KCNIP4: variants seen among roughly 807,000 people sequenced by gnomAD.
KCNIP4 encodes potassium voltage-gated channel interacting protein 4.
Under a neutral mutation model 34.0 loss-of-function variants are expected in KCNIP4, and 12 were observed. The ratio of observed to expected loss-of-function variants is 0.35; its 90% confidence interval spans 0.23 to 0.57. The LOEUF is 0.57. Ranked by LOEUF, KCNIP4 falls within the 20% of genes least tolerant of loss-of-function variation. KCNIP4 has a pLI of 0.83. For synonymous variants in KCNIP4, 124 were observed against 102.2 expected (o/e 1.21, Z -1.29); for missense variants, 238 against 311.7 (o/e 0.76, Z 1.78).
At chr4:20,867,106 C>T (rs1018724772) in intron 2 of KCNIP4, among the ~76,000 whole-genome samples, 1 of 152,014 alleles carries the variant, frequency 6.6e-6, no homozygotes, top group Non-Finnish European at 1.5e-5. Flanking sequence ...AGATTAAATA[C>T]TATTCTAGTC....
chr4:21,231,380 A>C (rs1409778173), intron 1 of KCNIP4, among the ~76,000 whole-genome samples: 2 of 152,182 alleles, frequency 1.3e-5, no homozygotes, highest in Non-Finnish European at 2.9e-5. Context: ...AAGTTGTTCC[A>C]GGTTCAGTAT....
chr4:21,650,113 C>T (rs987224627), intron 1 of KCNIP4, among the ~76,000 whole-genome samples: 1 of 152,292 alleles, frequency 6.6e-6, no homozygotes, highest in South Asian at 2.1e-4. Flanking sequence ...GAAGCAGAAA[C>T]TAACAGAAAA....
At chr4:21,042,383 G>A (rs918129265) in intron 1 of KCNIP4, among the ~76,000 whole-genome samples, 1 of 152,138 alleles carries the variant, frequency 6.6e-6, no homozygotes, top group African/African-American at 2.4e-5. Flanking sequence ...TGTCATTTGT[G>A]ACAACATGGA....
intron 1 of KCNIP4, among the ~76,000 whole-genome samples, chr4:21,594,030 A>G (rs1306630673): frequency 3.9e-5 from 6 of 152,074 alleles, no homozygotes; most frequent in African/African-American, 1.4e-4. Context: ...GTATGTAGGA[A>G]ATGGAGCTAG....
intron 1 of KCNIP4, among the ~76,000 whole-genome samples, chr4:21,755,714 C>T (rs575883935): frequency 6.6e-6 from 1 of 152,138 alleles, no homozygotes; most frequent in African/African-American, 2.4e-5. Flanking sequence ...GAAAAAAAAC[C>T]TGTAGTTAAT....
intron 3 of KCNIP4, among the ~76,000 whole-genome samples, chr4:20,820,732 G>C (rs1306913792): frequency 1.3e-5 from 2 of 152,136 alleles, no homozygotes; most frequent in Non-Finnish European, 2.9e-5. Context: ...GAGCAGAATG[G>C]GTTCAAAGGA....
intron 1 of KCNIP4, among the ~76,000 whole-genome samples, chr4:21,502,947 C>T (rs997670480): frequency 2.6e-5 from 4 of 152,080 alleles, no homozygotes; most frequent in African/African-American, 7.2e-5. Flanking sequence ...GGATAAACAC[C>T]TTCTGTTTTC....
intron 1 of KCNIP4, among the ~76,000 whole-genome samples, chr4:21,250,258 T>C (rs1399700376): frequency 1.3e-5 from 2 of 151,406 alleles, no homozygotes; most frequent in Non-Finnish European, 2.9e-5. Flanking sequence ...ATGCACAAAA[T>C]TGCTGATAAC....
At chr4:20,797,300 T>A (rs980719856) in intron 3 of KCNIP4, among the ~76,000 whole-genome samples, 17 of 152,220 alleles carry the variant, frequency 1.1e-4, no homozygotes, top group Non-Finnish European at 2.2e-4. Context: ...AACCCTAGGG[T>A]CTTTCAACAT....
At chr4:21,324,608 C>T (rs950729120) in intron 1 of KCNIP4, among the ~76,000 whole-genome samples, 1 of 150,568 alleles carries the variant, frequency 6.6e-6, no homozygotes, top group Admixed American at 6.7e-5. Flanking sequence ...ATTGCTCTAT[C>T]TGTCTGTTTT....
At position 20,830,162 on chromosome 4, in the gene KCNIP4, T is replaced by C. The variant is rs189156023; in HGVS notation, c.288+20381A>G. ...ATGACATCATGGCATCCTCATTACATGAGTCAGTAAGTAGCAGCATCAGGA... is the reference window on the plus strand; with the variant it reads ...ATGACATCATGGCATCCTCATTACACGAGTCAGTAAGTAGCAGCATCAGGA... On this transcript the variant is annotated intron_variant, in intron 3 of 8. Coordinates refer to ENST00000382152, the MANE Select transcript of KCNIP4 (RefSeq NM_025221.6). 3.3e-3 allele frequency among the ~76,000 whole-genome samples: 498 copies of C among 152,320 alleles called. 1 individual carries two copies. Among genetic ancestry groups the C allele is most frequent in the Non-Finnish European group, 6.1e-3 (414 of 68,034 alleles).
chr4:21,252,368 C>T (rs1406018926), intron 1 of KCNIP4, among the ~76,000 whole-genome samples: 2 of 151,924 alleles, frequency 1.3e-5, no homozygotes, highest in Non-Finnish European at 2.9e-5. Context: ...CCTCGTGATC[C>T]GCCCGCCTCG....
intron 1 of KCNIP4, among the ~76,000 whole-genome samples, chr4:21,289,551 GA>G (rs1763312787): frequency 6.6e-6 from 1 of 151,986 alleles, no homozygotes; most frequent in Non-Finnish European, 1.5e-5. Flanking sequence ...AATGAAAGAG[GA>G]AAATTATATG....
chr4:21,620,661 A>G (rs1380840505), intron 1 of KCNIP4, among the ~76,000 whole-genome samples: 1 of 152,250 alleles, frequency 6.6e-6, no homozygotes, highest in East Asian at 1.9e-4. Flanking sequence ...AAATAGTTGC[A>G]AAGATTTCCC....
chr4:21,257,398 C>A (rs1311026495), intron 1 of KCNIP4, among the ~76,000 whole-genome samples: 1 of 151,998 alleles, frequency 6.6e-6, no homozygotes, highest in Non-Finnish European at 1.5e-5. Context: ...ATCAACATAA[C>A]CTGCAACTTG....
chr4:20,898,889 C>T (rs1227184990), intron 1 of KCNIP4, among the ~76,000 whole-genome samples: 1 of 152,144 alleles, frequency 6.6e-6, no homozygotes, highest in Non-Finnish European at 1.5e-5. Context: ...TATGTTATCA[C>T]TCATTTTAAC....
chr4:21,750,257 C>T (rs1310910146), intron 1 of KCNIP4, among the ~76,000 whole-genome samples: 4 of 152,164 alleles, frequency 2.6e-5, no homozygotes, highest in Non-Finnish European at 4.4e-5. Flanking sequence ...TGGCCCAAAG[C>T]ACAAGAGTAG....
intron 1 of KCNIP4, among the ~76,000 whole-genome samples, chr4:21,097,328 A>G (rs1241844303): frequency 2.0e-5 from 3 of 152,228 alleles, no homozygotes. Flanking sequence ...ATGCTTGGTG[A>G]AAGAAGCCAG....
At chr4:21,568,224 T>A (rs1424647397) in intron 1 of KCNIP4, among the ~76,000 whole-genome samples, 1 of 152,190 alleles carries the variant, frequency 6.6e-6, no homozygotes, top group African/African-American at 2.4e-5. Context: ...CCTCAGAATG[T>A]CACCTTATTT....
Sources: gnomAD v4.1 joint callset for allele counts (sites outside exome capture counted in the v4.1 genomes callset) on GRCh38, gnomAD v4.1.1 for gene constraint, MANE v1.5 for transcripts, NCBI Gene and HGNC (gene_info 2026-07-23, HGNC 2026-07-21) for gene names.